Variants in MET observed in about 807,000 individuals in gnomAD.
MET encodes hepatocyte growth factor receptor.
In MET, 48 loss-of-function variants were observed where a neutral mutation model predicts 133.1. That is an observed-to-expected ratio of 0.36 (90% CI 0.29 to 0.46). The LOEUF (loss-of-function observed/expected upper bound fraction) is 0.46, where lower values mean the gene tolerates loss of function less well. Ranked by LOEUF, MET falls within the 20% of genes least tolerant of loss-of-function variation. The pLI, the probability that MET is intolerant of heterozygous loss-of-function variation, is 1.00. For synonymous variants in MET, 628 were observed against 616.5 expected (o/e 1.02, Z -0.28); for missense variants, 1,442 against 1,695.9 (o/e 0.85, Z 2.63).
chr7:116,751,813 G>A (rs866117463), intron 5 of MET, among the ~76,000 whole-genome samples: 2 of 152,168 alleles, frequency 1.3e-5, no homozygotes, highest in Admixed American at 6.5e-5. Flanking sequence ...TGTAATCCCA[G>A]CACTTTGGGA....
chr7:116,725,121 A>G (rs891947642), intron 2 of MET, among the ~76,000 whole-genome samples: 2 of 152,196 alleles, frequency 1.3e-5, no homozygotes, highest in Admixed American at 1.3e-4. Context: ...ATGTAATGTA[A>G]GGAATATAGG....
chr7:116,756,046 A>T (rs542011488), intron 6 of MET, among the ~76,000 whole-genome samples: 1 of 152,162 alleles, frequency 6.6e-6, no homozygotes, highest in Non-Finnish European at 1.5e-5. Flanking sequence ...ATCTCACTGA[A>T]CCATCCCCAC....
chr7:116,724,442 G>C (rs1183188173), intron 2 of MET, among the ~76,000 whole-genome samples: 2 of 152,196 alleles, frequency 1.3e-5, no homozygotes, highest in African/African-American at 2.4e-5. Context: ...CGTCGCTCAC[G>C]CTGGGAGCTG....
intron 2 of MET, among the ~76,000 whole-genome samples, chr7:116,715,428 G>C (rs1011442851): frequency 3.9e-5 from 6 of 152,278 alleles, no homozygotes; most frequent in African/African-American, 1.2e-4. Context: ...ATGTCTCTCT[G>C]TGTCCCCTCT....
intron 1 of MET, 117 bp downstream of exon 1, chr7:116,672,694 G>A (rs1796018027): frequency 2.7e-6 from 1 of 372,284 alleles, no homozygotes; most frequent in Middle Eastern, 6.8e-4. Flanking sequence ...ACGTAGGTGG[G>A]CTAGAGTTTA....
intron 19 of MET, among the ~76,000 whole-genome samples, chr7:116,794,232 C>T (rs1047021156): frequency 3.9e-5 from 6 of 152,122 alleles, no homozygotes; most frequent in Admixed American, 6.6e-5. Flanking sequence ...GAACAGTAAC[C>T]TACTCGTATG....
At chr7:116,763,415 ATAAAAC>A in intron 11 of MET, 147 bp downstream of exon 11, 2 of 759,288 alleles carry the variant, frequency 2.6e-6, no homozygotes, top group South Asian at 3.2e-5. Flanking sequence ...TCTTTTTGGC[ATAAAAC>A]TAAAAGATAA....
chr7:116,711,097 G>A (rs946557530), intron 2 of MET, among the ~76,000 whole-genome samples: 2 of 152,278 alleles, frequency 1.3e-5, no homozygotes, highest in Non-Finnish European at 1.5e-5. Flanking sequence ...TTTTAATAAC[G>A]ATGTTGGCAT....
At chr7:116,747,115 TG>T (rs557569918) in intron 5 of MET, among the ~76,000 whole-genome samples, 42 of 152,254 alleles carry the variant, frequency 2.8e-4, no homozygotes, top group Admixed American at 2.7e-3. Flanking sequence ...CCATCAGGCC[TG>T]TCTTACAAGA....
At chr7:116,754,299 G>A (rs969218735) in intron 5 of MET, among the ~76,000 whole-genome samples, 1 of 152,196 alleles carries the variant, frequency 6.6e-6, no homozygotes, top group Non-Finnish European at 1.5e-5. Flanking sequence ...TTTTGTCTCT[G>A]GGTGGGGAAT....
intron 2 of MET, among the ~76,000 whole-genome samples, chr7:116,701,096 C>G (rs1791560060): frequency 6.6e-6 from 1 of 152,164 alleles, no homozygotes; most frequent in African/African-American, 2.4e-5. Flanking sequence ...TAGAGATATT[C>G]TTGGTGCTGT....
chr7:116,786,693 C>T (rs182220935), intron 19 of MET, among the ~76,000 whole-genome samples: 32 of 152,178 alleles, frequency 2.1e-4, no homozygotes, highest in Non-Finnish European at 4.0e-4. Flanking sequence ...AGTCAGAGGA[C>T]TGTGATGTCT....
rs2116923615 is a variant in MET at position 116,757,675 on chromosome 7, C to T, written c.2003C>T (p.Pro668Leu). Residue 668 changes from proline (P) to leucine (L), a missense_variant, in exon 8 of 21, where the codon CCT becomes CTT. By Grantham distance (98) the Pro-to-Leu change is moderately conservative. This residue lies in a region of MET where 514 missense variants were observed against 659.6 expected (regional missense o/e 0.78). Transcript: ENST00000397752. ...VITSISPKYGPMAGGTLLTLT... is the reference protein window; with the variant it reads ...VITSISPKYGLMAGGTLLTLT... ...ACAAGTATTTCGCCGAAATACGGTC[C>T]TATGGCTGGTGGCACTTTACTTACT... is the stretch of plus-strand genomic sequence containing the variant. The T allele has an allele frequency of 6.2e-7, 1 of 1,613,986 alleles. No individual in the cohort carries two copies. The highest frequency in any genetic ancestry group is 8.5e-7 in the Non-Finnish European group (1 of 1,179,974).
Position 116,797,979 on chromosome 7 carries a change from C to G in MET, c.*1855C>G, listed in dbSNP as rs1795728183. On this transcript the variant is annotated 3_prime_UTR_variant, in exon 21 of 21. Coordinates refer to ENST00000397752, the MANE Select transcript of MET (RefSeq NM_000245.4). ...AAGGAATTGTACTGAAGAGCTATTA[C>G]AATCCAAATATTGCCGTTTCATAAA... The G allele has an allele frequency of 4.5e-6, 1 of 220,444 alleles. No individual in the cohort carries two copies. The highest frequency in any genetic ancestry group is 1.8e-4 in the South Asian group (1 of 5,438). The allele number at this position is 220,444 out of a possible 1,614,324, so 13.7% of individuals were successfully genotyped here.
At position 116,747,423 on chromosome 7, in the gene MET, C is replaced by T. The variant is rs563045958; in HGVS notation, c.1701+6398C>T. Among the ~76,000 whole-genome samples the T allele has an allele frequency of 1.6e-4, 25 of 152,024 alleles. No individual in the cohort carries two copies. In the South Asian group the frequency reaches 2.7e-3, roughly 16 times the overall value. On this transcript the variant is annotated intron_variant, in intron 5 of 20. Transcript: ENST00000397752. The stretch of plus-strand genomic sequence containing the variant: ...CACACATAGGCTCAAAATAAAGGGG[C>T]GGAGGAAGATTTACCAAGCAAATGG...
intron 19 of MET, among the ~76,000 whole-genome samples, chr7:116,788,813 G>T (rs555729609): frequency 6.6e-6 from 1 of 152,296 alleles, no homozygotes; most frequent in African/African-American, 2.4e-5. Flanking sequence ...AAACTTGCCT[G>T]CTTGTAGATT....
intron 13 of MET, 67 bp from the exon 14 acceptor site, chr7:116,771,781 TG>T: frequency 6.2e-7 from 1 of 1,611,918 alleles, no homozygotes; most frequent in South Asian, 1.1e-5. Flanking sequence ...TTCTGGGCAC[TG>T]GGTCAAAGTC....
intron 5 of MET, among the ~76,000 whole-genome samples, chr7:116,746,742 G>A (rs1369434773): frequency 1.3e-5 from 2 of 148,392 alleles, no homozygotes; most frequent in Admixed American, 1.4e-4. Flanking sequence ...AGAACACGTG[G>A]ACACAGGAAG....
chr7:116,731,674 C>G lies in MET; in HGVS notation c.1207C>G (p.Leu403Val), dbSNP rs202236031. The G allele has an allele frequency of 6.2e-7, 1 of 1,614,112 alleles. No individual in the cohort carries two copies. Among genetic ancestry groups the G allele is most frequent in the Non-Finnish European group, 8.5e-7 (1 of 1,179,952 alleles). ...TGACCATATTTTATTCCAGACACTT[C>G]TGAGAAATTCATCAGGCTGTGAAGC... ...NHEHCFNRTL[L>V]RNSSGCEARR... Residue 403 changes from leucine (L) to valine (V), a missense_variant, in exon 3 of 21, where the codon CTG becomes GTG. Leu to Val is a conservative substitution (Grantham distance 32). This residue lies in a region of MET where 762 missense variants were observed against 792.4 expected (regional missense o/e 0.96). Transcript: ENST00000397752.
Sources: allele counts gnomAD v4.1 joint callset (sites outside exome capture counted in the v4.1 genomes callset), GRCh38; gene constraint gnomAD v4.1.1; regional missense constraint gnomAD v4.1.1; transcripts MANE v1.5; gene names NCBI Gene and HGNC (gene_info 2026-07-23, HGNC 2026-07-21).